The following SSH2 variants were observed in gnomAD, a reference collection of about 807,000 sequenced individuals.
The protein encoded by SSH2 is protein phosphatase Slingshot homolog 2.
Under a neutral mutation model 135.2 loss-of-function variants are expected in SSH2, and 37 were observed. The ratio of observed to expected loss-of-function variants is 0.27; its 90% CI spans 0.21 to 0.36. SSH2 has a LOEUF of 0.36. Among genes scored for constraint, SSH2 ranks in the 10% least tolerant of loss-of-function variants. The pLI is 1.00. For missense variants in SSH2, 1,408 were observed against 1,765.3 expected (o/e 0.80, Z 3.63); for synonymous variants, 628 against 646.2 (o/e 0.97, Z 0.43).
chr17:29,669,366 T>C (rs1448281843), intron 9 of SSH2, among the ~76,000 whole-genome samples: 1 of 152,252 alleles, frequency 6.6e-6, no homozygotes, highest in Non-Finnish European at 1.5e-5. Flanking sequence ...CCCATATATG[T>C]ATATTCCCTT....
intron 3 of SSH2, among the ~76,000 whole-genome samples, chr17:29,732,559 G>C (rs768821930): frequency 6.6e-6 from 1 of 152,148 alleles, no homozygotes. Context: ...AGAACAAAAA[G>C]TGTTCCTATT....
At chr17:29,671,775 T>A (rs1055333491) in intron 9 of SSH2, among the ~76,000 whole-genome samples, 160 bp downstream of exon 9, 1 of 152,230 alleles carries the variant, frequency 6.6e-6, no homozygotes, top group Non-Finnish European at 1.5e-5. Context: ...ACAGCAAGAA[T>A]AGGATTCTTC....
At chr17:29,929,766 T>C in intron 1 of SSH2, 172 bp downstream of exon 1, 1 of 623,040 alleles carries the variant, frequency 1.6e-6, no homozygotes, top group Non-Finnish European at 2.8e-6. Flanking sequence ...CAACGTCTTG[T>C]AGTTCCTGCT....
At chr17:29,908,142 C>A (rs1290641687) in intron 1 of SSH2, among the ~76,000 whole-genome samples, 3 of 151,968 alleles carry the variant, frequency 2.0e-5, no homozygotes, top group Non-Finnish European at 2.9e-5. Flanking sequence ...ACTTTATAAT[C>A]CTTTCCCTAA....
At chr17:29,805,299 G>T (rs1180364341) in intron 2 of SSH2, among the ~76,000 whole-genome samples, 1 of 151,858 alleles carries the variant, frequency 6.6e-6, no homozygotes, top group African/African-American at 2.4e-5. Flanking sequence ...GGGACAACAG[G>T]TGCCACCACC....
Position 29,696,257 on chromosome 17 carries a change from AAT to A in SSH2, c.293-736_293-735del, listed in dbSNP as rs985573722. On this transcript the variant is annotated intron_variant, in intron 4 of 15. Coordinates refer to ENST00000540801, the MANE Select transcript of SSH2 (RefSeq NM_001282129.2). ...CACAGAGTGAGACTCCGTCTCAAAA[AAT>A]ATATATATACACACACACGTATATA... Among the ~76,000 whole-genome samples, 10 of 149,952 alleles carry A rather than the reference AAT, an allele frequency of 6.7e-5. No homozygotes were observed. In the South Asian group the frequency reaches 8.4e-4, roughly 13 times the overall value.
At chr17:29,911,269 GATGGAAGAA>G (rs2066759704) in intron 1 of SSH2, among the ~76,000 whole-genome samples, 1 of 120,716 alleles carries the variant, frequency 8.3e-6, no homozygotes, top group South Asian at 3.0e-4. Context: ...GTAAGCATGA[GATGGAAGAA>G]ACTGTGCCCC....
intron 1 of SSH2, chr17:29,928,218 TAAG>T (rs1315839701): frequency 4.3e-6 from 1 of 235,046 alleles, no homozygotes; most frequent in Non-Finnish European, 8.1e-6. Flanking sequence ...TGGAGTGAAT[TAAG>T]AAGGTTTGAT....
intron 1 of SSH2, among the ~76,000 whole-genome samples, chr17:29,911,523 G>A (rs986895944): frequency 6.6e-6 from 1 of 152,152 alleles, no homozygotes. Flanking sequence ...ACCAAGAGAG[G>A]TTATGCAACT....
At chr17:29,683,744 T>C (rs1336861450) in intron 6 of SSH2, among the ~76,000 whole-genome samples, 1 of 118,120 alleles carries the variant, frequency 8.5e-6, no homozygotes, top group African/African-American at 3.2e-5. Context: ...CTGGCCAACA[T>C]AAGGAAATCT....
chr17:29,761,334 AGGC>A, intron 3 of SSH2: 2 of 1,105,370 alleles, frequency 1.8e-6, no homozygotes, highest in Non-Finnish European at 1.1e-6. Flanking sequence ...CTCCGGCACG[AGGC>A]GCAGGCTGCG....
At chr17:29,874,520 T>C (rs1352255636) in intron 1 of SSH2, among the ~76,000 whole-genome samples, 1 of 152,100 alleles carries the variant, frequency 6.6e-6, no homozygotes, top group Non-Finnish European at 1.5e-5. Flanking sequence ...GTGAGTGAGT[T>C]CTCATGAGAT....
chr17:29,648,945 C>G (rs571494901), intron 13 of SSH2, among the ~76,000 whole-genome samples: 1 of 152,186 alleles, frequency 6.6e-6, no homozygotes, highest in Non-Finnish European at 1.5e-5. Context: ...TCAAGACCAA[C>G]CTGGACAAGA....
At chr17:29,752,683 T>C (rs767340358) in intron 3 of SSH2, among the ~76,000 whole-genome samples, 6 of 151,986 alleles carry the variant, frequency 3.9e-5, no homozygotes, top group Non-Finnish European at 8.8e-5. Flanking sequence ...TTTGACTATA[T>C]AAAAATGTAA....
Position 29,887,962 on chromosome 17 carries a change from C to T in SSH2, c.64-39033G>A, listed in dbSNP as rs1048789429. Among the ~76,000 whole-genome samples, 27 of 151,962 alleles carry T rather than the reference C, an allele frequency of 1.8e-4. 1 individual carries two copies. The highest frequency in any genetic ancestry group is 4.1e-4 in the African/African-American group (17 of 41,354). On this transcript the variant is annotated intron_variant, in intron 1 of 15. Transcript: ENST00000540801. ...TGAAAGAAACTATGCTGAGGCCAGG[C>T]GTGGTAACTCATGACTGCAATCCCA... is the stretch of plus-strand genomic sequence containing the variant.
At chr17:29,660,088 A>G (rs553648354) in intron 11 of SSH2, among the ~76,000 whole-genome samples, 6 of 152,076 alleles carry the variant, frequency 3.9e-5, no homozygotes, top group East Asian at 1.9e-4. Flanking sequence ...TTGGCCTCCC[A>G]AAGTGCTGGG....
chr17:29,638,925 A>T (rs555664895), intron 14 of SSH2, among the ~76,000 whole-genome samples: 1 of 152,320 alleles, frequency 6.6e-6, no homozygotes, highest in African/African-American at 2.4e-5. Flanking sequence ...ACTAAAATCA[A>T]AACATACAAG....
intron 4 of SSH2, among the ~76,000 whole-genome samples, chr17:29,698,685 T>A (rs1033600206): frequency 6.6e-6 from 1 of 152,062 alleles, no homozygotes. Context: ...TTTGTAGAGA[T>A]GAGGTTTCAC....
chr17:29,767,188 T>C (rs1418534353), intron 3 of SSH2, among the ~76,000 whole-genome samples: 1 of 152,072 alleles, frequency 6.6e-6, no homozygotes, highest in African/African-American at 2.4e-5. Flanking sequence ...CCCCCCATAG[T>C]CTTAAACACC....
Sources: gnomAD v4.1 joint callset for allele counts (sites outside exome capture counted in the v4.1 genomes callset) on GRCh38, gnomAD v4.1.1 for gene constraint, MANE v1.5 for transcripts, NCBI Gene and HGNC (gene_info 2026-07-23, HGNC 2026-07-21) for gene names.